Variants in NEMP2 observed in about 807,000 individuals in gnomAD.
The protein encoded by NEMP2 is nuclear envelope integral membrane protein 2.
NEMP2 carries 53 observed loss-of-function variants against 54.2 expected under a neutral mutation model. The ratio of observed to expected loss-of-function variants is 0.98; its 90% CI spans 0.78 to 1.23. The LOEUF is 1.23. Among genes scored for constraint, NEMP2 ranks in the 50% most tolerant of loss-of-function variants. NEMP2 has a pLI of 0.00. For synonymous variants in NEMP2, 197 were observed against 190.3 expected, an observed-to-expected ratio of 1.04 and a Z score of -0.29; for missense variants, 455 against 511.3, an observed-to-expected ratio of 0.89 and a Z score of 1.06.
the NEMP2 span, chr2:190,616,872 G>A: frequency 6.6e-6 from 1 of 151,964 alleles, no homozygotes; most frequent in Non-Finnish European, 1.5e-5. This position sits in a 1 kb window ranked among gnomAD's most constrained non-coding sequence, Gnocchi z 5.1. Context: ...ACTTTGCGAT[G>A]CCGAGGTAGG....
At chr2:190,618,971 T>C in the NEMP2 span, among the ~76,000 whole-genome samples, 20 of 152,346 alleles carry the variant, frequency 1.3e-4, no homozygotes, top group African/African-American at 4.3e-4. Flanking sequence ...AACTTGTAAT[T>C]CTTGCCCAAA....
At chr2:190,598,963 G>A in the NEMP2 span, among the ~76,000 whole-genome samples, 1 of 152,088 alleles carries the variant, frequency 6.6e-6, no homozygotes, top group Non-Finnish European at 1.5e-5. Context: ...ATGGTGTTTT[G>A]TTTTGTTTTT....
Position 190,509,292 on chromosome 2 carries a change from C to T in NEMP2, c.1151G>A (p.Gly384Glu). ...TTCTTCAGGTGACAAGTGGCTTCCT[C>T]CAAGAACAAAGTCTGCAAATCTAAC... ...TPSKFADFVL[G>E]GSHLSPEEIS... Residue 384 changes from glycine to glutamate, a missense_variant, in exon 9 of 9, where the codon GGA (glycine) becomes GAA (glutamate). Gly to Glu is a moderately conservative substitution (Grantham distance 98, BLOSUM62 -2). Transcript: ENST00000409150. This position sits in a 1 kb window ranked among gnomAD's most constrained non-coding sequence, Gnocchi z 6.1. 1 of 1,551,662 alleles carries T rather than the reference C, an allele frequency of 6.4e-7. No individual in the cohort carries two copies. Among genetic ancestry groups the T allele is most frequent in the Non-Finnish European group, 8.7e-7 (1 of 1,147,010 alleles).
chr2:190,590,293 G>A, the NEMP2 span, among the ~76,000 whole-genome samples: 3 of 152,138 alleles, frequency 2.0e-5, no homozygotes, highest in South Asian at 2.1e-4. The surrounding 1 kb of genome is among the most constrained non-coding windows in gnomAD (Gnocchi z 5.1). Context: ...TGTTCCAGTT[G>A]ATCATCCAAT....
At chr2:190,432,450 C>T in the NEMP2 span, among the ~76,000 whole-genome samples, 1 of 152,082 alleles carries the variant, frequency 6.6e-6, no homozygotes, top group Non-Finnish European at 1.5e-5. Flanking sequence ...AGTCTTGCTC[C>T]GTCACCCAGG....
chr2:190,453,671 T>C, the NEMP2 span, among the ~76,000 whole-genome samples: 1 of 152,348 alleles, frequency 6.6e-6, no homozygotes, highest in African/African-American at 2.4e-5. Context: ...ACTGATATTC[T>C]TTTAATGTTA....
chr2:190,527,075 T>C lies in NEMP2; in HGVS notation c.98-1697A>G, dbSNP rs1690966381. On this transcript the variant is annotated intron_variant, in intron 1 of 8. Coordinates refer to ENST00000409150, the MANE Select transcript of NEMP2 (RefSeq NM_001142645.2). The surrounding 1 kb of genome is among the most constrained non-coding windows in gnomAD (Gnocchi z 4.0). Reference sequence around the variant, plus strand: ...TCCGGATTCAAGATAGAGTGTCACCTCCACATCTGTTCTTTAGGAAACAGG... The same window carrying C: ...TCCGGATTCAAGATAGAGTGTCACCCCCACATCTGTTCTTTAGGAAACAGG... Among the ~76,000 whole-genome samples, 1 of 152,152 alleles carries C rather than the reference T, an allele frequency of 6.6e-6. No homozygotes were observed.
chr2:190,527,787 G>C lies in NEMP2; in HGVS notation c.98-2409C>G, dbSNP rs1690993911. 6.6e-6 allele frequency among the ~76,000 whole-genome samples: 1 copy of C among 152,080 alleles called. No individual in the cohort carries two copies. Among genetic ancestry groups the C allele is most frequent in the Admixed American group, 6.6e-5 (1 of 15,260 alleles). ...TCCTGTCAGATCAGCAGTGGCATTA[G>C]ATTATCATAGGAGCGTGAACCTTAC... On this transcript the variant is annotated intron_variant, in intron 1 of 8. Transcript: ENST00000409150. The surrounding 1 kb of genome is among the most constrained non-coding windows in gnomAD (Gnocchi z 4.0).
chr2:190,643,509 T>C, the NEMP2 span, among the ~76,000 whole-genome samples: 3 of 152,182 alleles, frequency 2.0e-5, no homozygotes, highest in African/African-American at 7.2e-5. Flanking sequence ...CCTAAACAGG[T>C]AATTTTAGTA....
chr2:190,550,505 T>G, the NEMP2 span, among the ~76,000 whole-genome samples: 1 of 152,170 alleles, frequency 6.6e-6, no homozygotes, highest in Non-Finnish European at 1.5e-5. The surrounding 1 kb of genome is among the most constrained non-coding windows in gnomAD (Gnocchi z 4.7). Context: ...AGCGATGAAA[T>G]TAGAATATCT....
chr2:190,603,626 A>AC, the NEMP2 span, among the ~76,000 whole-genome samples: 1 of 147,566 alleles, frequency 6.8e-6, no homozygotes, highest in Non-Finnish European at 1.5e-5. Flanking sequence ...CTGAACGTTG[A>AC]CACCCGGGGA....
At chr2:190,552,949 T>TA in the NEMP2 span, among the ~76,000 whole-genome samples, 1 of 151,940 alleles carries the variant, frequency 6.6e-6, no homozygotes, top group Non-Finnish European at 1.5e-5. Context: ...TAGAACCAGT[T>TA]AAAAAAAATT....
At chr2:190,478,494 G>A in the NEMP2 span, among the ~76,000 whole-genome samples, 1 of 152,198 alleles carries the variant, frequency 6.6e-6, no homozygotes, top group Non-Finnish European at 1.5e-5. Context: ...TGACTGAAGA[G>A]GTTTGTTTTG....
chr2:190,596,900 A>G, the NEMP2 span, among the ~76,000 whole-genome samples: 1 of 152,196 alleles, frequency 6.6e-6, no homozygotes, highest in Non-Finnish European at 1.5e-5. The surrounding 1 kb of genome is among the most constrained non-coding windows in gnomAD (Gnocchi z 5.1). Flanking sequence ...TATATTTGGC[A>G]TCAAGTCACT....
At chr2:190,457,437 C>T in the NEMP2 span, among the ~76,000 whole-genome samples, 2 of 152,166 alleles carry the variant, frequency 1.3e-5, no homozygotes, top group South Asian at 2.1e-4. This position sits in a 1 kb window ranked among gnomAD's most constrained non-coding sequence, Gnocchi z 5.1. Context: ...TCAGACTTTG[C>T]GTGTTTTTTG....
downstream of NEMP2, among the ~76,000 whole-genome samples, chr2:190,499,356 A>AT (rs201202844): frequency 1.4e-3 from 205 of 151,768 alleles, 1 homozygote; most frequent in African/African-American, 4.4e-3. This position sits in a 1 kb window ranked among gnomAD's most constrained non-coding sequence, Gnocchi z 6.0. Context: ...ATCCATTTAA[A>AT]TTTTTTTTTA....
chr2:190,574,760 TTCCTTCCCTCCCTTCCC>T, the NEMP2 span, among the ~76,000 whole-genome samples: 3 of 139,530 alleles, frequency 2.2e-5, no homozygotes, highest in African/African-American at 5.6e-5. Flanking sequence ...TTCTATTTCC[TTCCTTCCCTCCCTTCCC>T]TCCTTCCCTC....
chr2:190,641,081 T>C, the NEMP2 span: 2 of 152,208 alleles, frequency 1.3e-5, no homozygotes, highest in South Asian at 4.2e-4. Context: ...TAGAGGAGTT[T>C]ATGTGAGGAT....
In NEMP2 at chr2:190,520,809, C is replaced by T. The variant is rs1178823927; in HGVS notation, c.214-1626G>A. Among the ~76,000 whole-genome samples, 1 of 152,122 alleles carries T rather than the reference C, an allele frequency of 6.6e-6. No individual in the cohort carries two copies. The highest frequency in any genetic ancestry group is 1.5e-5 in the Non-Finnish European group (1 of 68,024). ...TCATCTCACTGTGTGACCACCATCT[C>T]CTATCTTTCCAGTGTACCCATCTAG... On this transcript the variant is annotated intron_variant, in intron 2 of 8. Transcript: ENST00000409150. The surrounding 1 kb of genome is among the most constrained non-coding windows in gnomAD (Gnocchi z 5.4).
Sources: allele counts gnomAD v4.1 joint callset (sites outside exome capture counted in the v4.1 genomes callset), GRCh38; gene constraint gnomAD v4.1.1; non-coding constraint Gnocchi (gnomAD v3.1); transcripts MANE v1.5; gene names NCBI Gene and HGNC (gene_info 2026-07-23, HGNC 2026-07-21).